LHFPL3: variants seen among roughly 807,000 people sequenced by gnomAD.
LHFPL3 encodes LHFPL tetraspan subfamily member 3 protein.
A neutral mutation model predicts 19.3 loss-of-function variants in LHFPL3; 5 were observed. That is an observed-to-expected ratio of 0.26 (90% CI 0.14 to 0.54). The LOEUF is 0.54. Ranked by LOEUF, LHFPL3 falls within the 20% of genes least tolerant of loss-of-function variation. The pLI is 0.94. For missense variants in LHFPL3, 249 were observed against 307.4 expected (o/e 0.81, Z 1.42); for synonymous variants, 133 against 126.2 (o/e 1.05, Z -0.36).
At chr7:104,688,865 A>G (rs1792853358) in intron 1 of LHFPL3, among the ~76,000 whole-genome samples, 1 of 152,174 alleles carries the variant, frequency 6.6e-6, no homozygotes, top group African/African-American at 2.4e-5. Context: ...CAGGCAGGGA[A>G]ATGGATATTA....
intron 2 of LHFPL3, among the ~76,000 whole-genome samples, chr7:104,860,208 G>A (rs78342360): frequency 2.2e-5 from 3 of 134,212 alleles, no homozygotes; most frequent in Non-Finnish European, 4.9e-5. Context: ...ACACACACAC[G>A]CATACCTCAA....
chr7:104,363,442 ATC>A (rs1554381472), intron 1 of LHFPL3, among the ~76,000 whole-genome samples: 1 of 152,234 alleles, frequency 6.6e-6, no homozygotes, highest in Non-Finnish European at 1.5e-5. Context: ...AATTCCTCAA[ATC>A]TCAGTAGTTG....
intron 2 of LHFPL3, among the ~76,000 whole-genome samples, chr7:104,863,261 G>T (rs1042319140): frequency 3.3e-5 from 5 of 152,164 alleles, no homozygotes; most frequent in Admixed American, 3.3e-4. Context: ...GTAGGGGGTT[G>T]ACCTCCTACT....
chr7:104,879,536 G>A (rs530268437), intron 2 of LHFPL3, among the ~76,000 whole-genome samples: 3 of 152,246 alleles, frequency 2.0e-5, no homozygotes, highest in Non-Finnish European at 4.4e-5. Flanking sequence ...CCTAGGCAAT[G>A]TGGCAAGATC....
chr7:104,329,003 T>C lies in LHFPL3; in HGVS notation c.224T>C (p.Leu75Pro). Residue 75 changes from leucine (L) to proline (P), a missense_variant, in exon 1 of 3, where the codon CTC becomes CCC. Coordinates refer to ENST00000424859, the MANE Select transcript of LHFPL3 (RefSeq NM_199000.3). ...ACCCCGCAAGCCGGCTATTTCGGGCTCTTCCACTACTGCATCGGCAACGGC... is the reference window on the plus strand; with the variant it reads ...ACCCCGCAAGCCGGCTATTTCGGGCCCTTCCACTACTGCATCGGCAACGGC... ...VDTPQAGYFG[L>P]FHYCIGNGFS... 2 of 1,614,116 alleles carry C rather than the reference T, an allele frequency of 1.2e-6. No homozygotes were observed. The highest frequency in any genetic ancestry group is 1.7e-6 in the Non-Finnish European group (2 of 1,179,988).
At chr7:104,878,458 T>C (rs893572589) in intron 2 of LHFPL3, among the ~76,000 whole-genome samples, 1 of 152,156 alleles carries the variant, frequency 6.6e-6, no homozygotes, top group African/African-American at 2.4e-5. Flanking sequence ...GATGTTACTA[T>C]TGTAATTGTT....
At chr7:104,878,485 C>T (rs1020613184) in intron 2 of LHFPL3, among the ~76,000 whole-genome samples, 4 of 152,028 alleles carry the variant, frequency 2.6e-5, no homozygotes, top group East Asian at 1.9e-4. Flanking sequence ...TACTACAAAC[C>T]GCACCCATAT....
intron 2 of LHFPL3, among the ~76,000 whole-genome samples, chr7:104,833,267 ATATATATATAATAGGATATATATATAT>A (rs1355086729): frequency 1.0e-4 from 7 of 68,552 alleles, no homozygotes; most frequent in Admixed American, 2.4e-4. Context: ...AACTAATAGG[ATATATATATAATAGGATATATATATAT>A]TATATATATA....
At chr7:104,851,117 G>A (rs1204964820) in intron 2 of LHFPL3, among the ~76,000 whole-genome samples, 1 of 152,228 alleles carries the variant, frequency 6.6e-6, no homozygotes, top group Non-Finnish European at 1.5e-5. Flanking sequence ...GTATATCATA[G>A]TGTTCCAAGT....
At chr7:104,860,227 T>C (rs1023621435) in intron 2 of LHFPL3, among the ~76,000 whole-genome samples, 4 of 151,826 alleles carry the variant, frequency 2.6e-5, no homozygotes, top group African/African-American at 9.7e-5. Context: ...AAATGGCCTT[T>C]TTCTCTCAGG....
chr7:104,670,034 C>A (rs1792441957), intron 1 of LHFPL3, among the ~76,000 whole-genome samples: 1 of 152,018 alleles, frequency 6.6e-6, no homozygotes, highest in Non-Finnish European at 1.5e-5. Context: ...ATTTTCCATT[C>A]TTGGAAAGGT....
intron 2 of LHFPL3, among the ~76,000 whole-genome samples, chr7:104,840,203 T>TA (rs1389755830): frequency 6.6e-6 from 1 of 151,864 alleles, no homozygotes; most frequent in African/African-American, 2.4e-5. Flanking sequence ...ACTCTAACAC[T>TA]AAATTACAAT....
At chr7:104,384,787 CAAA>C (rs771136918) in intron 1 of LHFPL3, among the ~76,000 whole-genome samples, 8,450 of 73,660 alleles carry the variant, frequency 0.11, 178 homozygotes, top group Non-Finnish European at 0.13. Context: ...AACTCTATTT[CAAA>C]AAAAAAAAAA....
rs553727812 is a variant in LHFPL3 at position 104,825,145 on chromosome 7, TAATA to T, written c.683-81035_683-81032del. 2.7e-4 allele frequency among the ~76,000 whole-genome samples: 41 copies of T among 151,122 alleles called. 1 individual carries two copies. The South Asian group carries it at 5.8e-3, about 21-fold the overall frequency. ...ACAGCTGCAGTGTTAAAAATAATAA[TAATA>T]AATAAAGATAGGAGGACCATAGAAG... On this transcript the variant is annotated intron_variant, in intron 2 of 2. Transcript: ENST00000424859.
chr7:104,708,513 C>T (rs1793233113), intron 1 of LHFPL3, among the ~76,000 whole-genome samples: 1 of 152,138 alleles, frequency 6.6e-6, no homozygotes, highest in Non-Finnish European at 1.5e-5. Context: ...AAAAAAATCC[C>T]TTTTGTCCTC....
intron 1 of LHFPL3, among the ~76,000 whole-genome samples, chr7:104,618,663 T>C (rs939871624): frequency 7.5e-5 from 11 of 145,942 alleles, no homozygotes; most frequent in Middle Eastern, 3.5e-3. Context: ...AAAATGTTGA[T>C]TCTTTAAAAA....
At chr7:104,732,172 G>C (rs937075699) in intron 1 of LHFPL3, among the ~76,000 whole-genome samples, 1 of 152,156 alleles carries the variant, frequency 6.6e-6, no homozygotes, top group Non-Finnish European at 1.5e-5. Context: ...CAGGGATATT[G>C]ATCTAAAATT....
At chr7:104,482,296 A>G (rs988483999) in intron 1 of LHFPL3, among the ~76,000 whole-genome samples, 2 of 152,196 alleles carry the variant, frequency 1.3e-5, no homozygotes, top group African/African-American at 4.8e-5. Flanking sequence ...TAAGTCATTT[A>G]CCAAATCACT....
At chr7:104,455,784 C>T (rs1792527072) in intron 1 of LHFPL3, among the ~76,000 whole-genome samples, 1 of 152,106 alleles carries the variant, frequency 6.6e-6, no homozygotes, top group African/African-American at 2.4e-5. Context: ...ATGACAATGA[C>T]AAAGTATATT....
Sources: allele counts gnomAD v4.1 joint callset (sites outside exome capture counted in the v4.1 genomes callset), GRCh38; gene constraint gnomAD v4.1.1; transcripts MANE v1.5; gene names NCBI Gene and HGNC (gene_info 2026-07-23, HGNC 2026-07-21).